GRID2: variants seen among roughly 807,000 people sequenced by gnomAD.
GRID2 encodes glutamate receptor ionotropic, delta-2.
In GRID2, 33 loss-of-function variants were observed where a neutral mutation model predicts 114.8. The ratio of observed to expected loss-of-function variants is 0.29; its 90% confidence interval spans 0.22 to 0.38. GRID2 has a LOEUF of 0.38. GRID2 is among the 10% of genes least tolerant of loss of function. GRID2 has a pLI of 1.00. For missense variants in GRID2, 1,184 were observed against 1,257.7 expected (o/e 0.94, Z 0.89); for synonymous variants, 505 against 449.9 (o/e 1.12, Z -1.55).
At chr4:93,451,548 A>G (rs771504729) in intron 10 of GRID2, among the ~76,000 whole-genome samples, 2 of 152,064 alleles carry the variant, frequency 1.3e-5, no homozygotes, top group Non-Finnish European at 2.9e-5. Context: ...CATGTTTTTA[A>G]TCTTTCTCCT....
Position 93,475,033 on chromosome 4 carries a change from C to A in GRID2, c.1859-15606C>A, listed in dbSNP as rs908017211. Among the ~76,000 whole-genome samples, 5 of 152,114 alleles carry A rather than the reference C, an allele frequency of 3.3e-5. No homozygotes were observed. In the South Asian group the frequency reaches 8.3e-4, roughly 25 times the overall value. On this transcript the variant is annotated intron_variant, in intron 11 of 15. Coordinates refer to ENST00000282020, the MANE Select transcript of GRID2 (RefSeq NM_001510.4). ...GCAACTTCACCCTGATCCCCTTCCT[C>A]CCTGAGCCTACTTCCTCTTTGTTAC...
At chr4:93,175,220 G>T (rs994717777) in intron 4 of GRID2, among the ~76,000 whole-genome samples, 34 of 152,088 alleles carry the variant, frequency 2.2e-4, no homozygotes, top group Admixed American at 2.2e-3. Flanking sequence ...GCCCAGGCTG[G>T]AGTGCAGTGG....
chr4:93,101,376 G>A (rs540269636), intron 3 of GRID2, among the ~76,000 whole-genome samples: 85 of 151,848 alleles, frequency 5.6e-4, no homozygotes, highest in African/African-American at 2.0e-3. Flanking sequence ...TTCTTCCAAG[G>A]GTATATTTTT....
rs774070519 is a variant in GRID2, at chr4:93,772,826, A to G, written c.*328A>G. 8.6e-6 allele frequency: 2 copies of G among 233,164 alleles called. No homozygotes were observed. The highest frequency in any genetic ancestry group is 1.6e-5 in the Non-Finnish European group (2 of 121,384). The allele number at this position is 233,164 out of a possible 1,614,324, so 14.4% of individuals were successfully genotyped here. ...TGTGCACTGAGTATACTAAAAGTAT[A>G]TGCAGGATTAATTTTACATAAAGGC... On this transcript the variant is annotated 3_prime_UTR_variant, in exon 16 of 16. Transcript: ENST00000282020.
intron 1 of GRID2, among the ~76,000 whole-genome samples, chr4:92,567,475 G>A (rs570883099): frequency 2.0e-5 from 3 of 152,048 alleles, no homozygotes; most frequent in Non-Finnish European, 2.9e-5. Flanking sequence ...CTGCTGGTTC[G>A]TCATATCTTA....
At chr4:92,427,627 G>A (rs1732223662) in intron 1 of GRID2, among the ~76,000 whole-genome samples, 1 of 152,094 alleles carries the variant, frequency 6.6e-6, no homozygotes, top group African/African-American at 2.4e-5. Context: ...ATAAGGAGAT[G>A]ACTTTTTAAA....
chr4:93,728,471 G>A (rs1033393475), intron 14 of GRID2, among the ~76,000 whole-genome samples: 8 of 152,216 alleles, frequency 5.3e-5, no homozygotes, highest in Middle Eastern at 3.4e-3. Flanking sequence ...TGTTGATTTG[G>A]GGTGGAGAGT....
At chr4:93,570,852 A>C (rs915978489) in intron 13 of GRID2, among the ~76,000 whole-genome samples, 9 of 152,198 alleles carry the variant, frequency 5.9e-5, no homozygotes, top group African/African-American at 2.2e-4. Context: ...GCTGGGCATC[A>C]GGTAAATTGG....
intron 1 of GRID2, among the ~76,000 whole-genome samples, chr4:92,525,559 T>G (rs1725002204): frequency 6.6e-6 from 1 of 151,940 alleles, no homozygotes; most frequent in East Asian, 1.9e-4. Context: ...AAGCAGAGAT[T>G]TATACTTGAA....
chr4:92,617,812 A>T (rs764054730), intron 2 of GRID2, among the ~76,000 whole-genome samples: 4 of 151,784 alleles, frequency 2.6e-5, no homozygotes, highest in Non-Finnish European at 5.9e-5. Flanking sequence ...TCTTCTTTGA[A>T]GAAATGTCTA....
At chr4:92,671,782 C>T in intron 2 of GRID2, among the ~76,000 whole-genome samples, 1 of 151,994 alleles carries the variant, frequency 6.6e-6, no homozygotes, top group East Asian at 1.9e-4. Context: ...ATTCTTTTTC[C>T]CTTTACCTTT....
At chr4:93,034,260 A>G (rs1399428169) in intron 2 of GRID2, among the ~76,000 whole-genome samples, 2 of 152,216 alleles carry the variant, frequency 1.3e-5, no homozygotes, top group Non-Finnish European at 2.9e-5. Flanking sequence ...ACAATACCAC[A>G]GTGGTTCTCA....
chr4:92,483,517 C>T (rs1722715695), intron 1 of GRID2, among the ~76,000 whole-genome samples: 1 of 152,022 alleles, frequency 6.6e-6, no homozygotes. Context: ...TTGGGAAAAG[C>T]AATAAAGCTC....
chr4:93,051,478 T>G (rs1165649587), intron 2 of GRID2, among the ~76,000 whole-genome samples: 1 of 152,044 alleles, frequency 6.6e-6, no homozygotes, highest in Non-Finnish European at 1.5e-5. Context: ...TTTGTTTCCT[T>G]TTTATCAGAT....
chr4:92,610,874 C>T (rs1729688595), intron 2 of GRID2, among the ~76,000 whole-genome samples: 1 of 151,584 alleles, frequency 6.6e-6, no homozygotes, highest in South Asian at 2.1e-4. Context: ...TATGTTGTAG[C>T]AAGTGACAAG....
At chr4:93,006,062 C>T (rs1020887851) in intron 2 of GRID2, among the ~76,000 whole-genome samples, 3 of 152,016 alleles carry the variant, frequency 2.0e-5, no homozygotes, top group African/African-American at 7.2e-5. Context: ...TTTAAAGTAG[C>T]GTCTTAAAAT....
chr4:93,258,404 G>T (rs1749862302), intron 8 of GRID2, among the ~76,000 whole-genome samples: 1 of 151,570 alleles, frequency 6.6e-6, no homozygotes, highest in Non-Finnish European at 1.5e-5. Context: ...AAAAGCTAAT[G>T]AAAATTACTG....
At chr4:93,061,610 C>T (rs895919402) in intron 2 of GRID2, among the ~76,000 whole-genome samples, 1 of 152,084 alleles carries the variant, frequency 6.6e-6, no homozygotes, top group Admixed American at 6.6e-5. Context: ...ATTATCAAAG[C>T]AGACTAGCAA....
rs1377829035 is a variant in GRID2, at chr4:93,734,088, T to C, written c.2361-35122T>C. On this transcript the variant is annotated intron_variant, in intron 14 of 15. Coordinates refer to ENST00000282020, the MANE Select transcript of GRID2 (RefSeq NM_001510.4). ...TCTTTCTGCTGGTAAACTGGGCAAG[T>C]TACTCAAACTCACTTAATGTCAAAG... Among the ~76,000 whole-genome samples the C allele has an allele frequency of 3.9e-5, 6 of 152,046 alleles. No homozygotes were observed. In the East Asian group the frequency reaches 1.2e-3, roughly 29 times the overall value.
Sources: allele counts gnomAD v4.1 joint callset (sites outside exome capture counted in the v4.1 genomes callset), GRCh38; gene constraint gnomAD v4.1.1; transcripts MANE v1.5; gene names NCBI Gene and HGNC (gene_info 2026-07-23, HGNC 2026-07-21).